CNTNAP2: variants seen among roughly 807,000 people sequenced by gnomAD.
CNTNAP2 encodes the protein contactin-associated protein-like 2.
A neutral mutation model predicts 155.2 loss-of-function variants in CNTNAP2; 98 were observed. The ratio of observed to expected loss-of-function variants is 0.63; its 90% CI spans 0.54 to 0.75. The LOEUF is 0.75. Among genes scored for constraint, CNTNAP2 ranks in the 30% least tolerant of loss-of-function variants. The pLI, the probability that CNTNAP2 is intolerant of heterozygous loss-of-function variation, is 0.00. For missense variants in CNTNAP2, 1,727 were observed against 1,688.1 expected (o/e 1.02, Z -0.40); for synonymous variants, 651 against 631.2 (o/e 1.03, Z -0.47).
intron 1 of CNTNAP2, among the ~76,000 whole-genome samples, chr7:146,464,520 G>A (rs181966529): frequency 6.6e-6 from 1 of 152,272 alleles, no homozygotes; most frequent in Admixed American, 6.5e-5. Flanking sequence ...CATTAGAGGT[G>A]TAGATGGGAA....
At chr7:148,237,553 A>G (rs1311292006) in intron 20 of CNTNAP2, among the ~76,000 whole-genome samples, 1 of 152,238 alleles carries the variant, frequency 6.6e-6, no homozygotes, top group African/African-American at 2.4e-5. Context: ...TCCTGTCTCT[A>G]TCTCATGAAT....
intron 2 of CNTNAP2, among the ~76,000 whole-genome samples, chr7:146,815,384 T>A (rs545869763): frequency 3.9e-5 from 6 of 152,284 alleles, no homozygotes; most frequent in Admixed American, 3.9e-4. Context: ...TTACTGAAAT[T>A]CGTAATGATT....
At chr7:146,161,978 G>C (rs556780133) in intron 1 of CNTNAP2, among the ~76,000 whole-genome samples, 1 of 151,982 alleles carries the variant, frequency 6.6e-6, no homozygotes, top group Non-Finnish European at 1.5e-5. Context: ...GCTGAAACTG[G>C]ATCCCTTCCT....
chr7:147,960,219 T>C (rs1801092687), intron 14 of CNTNAP2, among the ~76,000 whole-genome samples: 1 of 152,046 alleles, frequency 6.6e-6, no homozygotes, highest in Non-Finnish European at 1.5e-5. Flanking sequence ...GGAAAAATAA[T>C]AACTGGTTTT....
intron 1 of CNTNAP2, among the ~76,000 whole-genome samples, chr7:146,688,614 C>T (rs767147170): frequency 6.6e-5 from 10 of 151,988 alleles, no homozygotes; most frequent in Admixed American, 2.0e-4. Flanking sequence ...AGGTGGGACA[C>T]GAGCAAATCA....
At chr7:147,246,392 AC>A (rs1804069770) in intron 8 of CNTNAP2, among the ~76,000 whole-genome samples, 1 of 152,122 alleles carries the variant, frequency 6.6e-6, no homozygotes, top group Non-Finnish European at 1.5e-5. Context: ...GGCTTCTATA[AC>A]AAAATAGCAT....
intron 1 of CNTNAP2, among the ~76,000 whole-genome samples, chr7:146,525,984 A>G (rs1256293501): frequency 1.3e-5 from 2 of 152,210 alleles, no homozygotes; most frequent in African/African-American, 2.4e-5. Context: ...GAAGTTGTTC[A>G]TAAGAGACAA....
intron 13 of CNTNAP2, among the ~76,000 whole-genome samples, chr7:147,884,591 T>C (rs1458239478): frequency 6.6e-6 from 1 of 152,202 alleles, no homozygotes; most frequent in Admixed American, 6.5e-5. Context: ...AAACAAGTTT[T>C]AGTTAAATAC....
At chr7:147,841,610 A>G (rs1798732903) in intron 13 of CNTNAP2, among the ~76,000 whole-genome samples, 1 of 152,242 alleles carries the variant, frequency 6.6e-6, no homozygotes, top group African/African-American at 2.4e-5. Flanking sequence ...CTCATGAGGA[A>G]CACAGGATAT....
At chr7:147,723,275 A>G (rs1796592509) in intron 13 of CNTNAP2, among the ~76,000 whole-genome samples, 1 of 152,094 alleles carries the variant, frequency 6.6e-6, no homozygotes, top group African/African-American at 2.4e-5. Context: ...ACAGTCAGGA[A>G]ACAGGAAAGG....
At chr7:147,904,812 T>C (rs991228722) in intron 14 of CNTNAP2, among the ~76,000 whole-genome samples, 1 of 152,298 alleles carries the variant, frequency 6.6e-6, no homozygotes. Context: ...AAAATACTTG[T>C]AAATAGCTAT....
chr7:147,797,324 T>G (rs1797913221), intron 13 of CNTNAP2, among the ~76,000 whole-genome samples: 1 of 152,190 alleles, frequency 6.6e-6, no homozygotes, highest in Non-Finnish European at 1.5e-5. Flanking sequence ...CTTTGTTTCA[T>G]GAATACCTGT....
chr7:147,005,931 TTATTGTAGGAGGGGG>T (rs1798516062), intron 3 of CNTNAP2, among the ~76,000 whole-genome samples: 1 of 152,126 alleles, frequency 6.6e-6, no homozygotes, highest in South Asian at 2.1e-4. Flanking sequence ...ATCATGTATC[TTATTGTAGGAGGGGG>T]ATGATAGTCT....
At chr7:148,077,411 C>A (rs1168501144) in intron 15 of CNTNAP2, among the ~76,000 whole-genome samples, 1 of 152,050 alleles carries the variant, frequency 6.6e-6, no homozygotes, top group African/African-American at 2.4e-5. Context: ...TTCTGAAAAG[C>A]AAATCCTAAT....
chr7:146,201,694 T>C (rs1288247062), intron 1 of CNTNAP2, among the ~76,000 whole-genome samples: 2 of 151,648 alleles, frequency 1.3e-5, no homozygotes, highest in Admixed American at 1.3e-4. Flanking sequence ...AAAAAATATT[T>C]ATTAAGGAAG....
chr7:146,576,344 C>T (rs1440617007), intron 1 of CNTNAP2, among the ~76,000 whole-genome samples: 1 of 152,136 alleles, frequency 6.6e-6, no homozygotes, highest in South Asian at 2.1e-4. Context: ...ATCTTCCACA[C>T]TTTTAGGGGA....
At chr7:147,382,686 A>G (rs1796555645) in intron 9 of CNTNAP2, among the ~76,000 whole-genome samples, 1 of 152,058 alleles carries the variant, frequency 6.6e-6, no homozygotes, top group African/African-American at 2.4e-5. Context: ...GGCTTTGGAT[A>G]AGGTCTTTAT....
chr7:147,550,585 T>C (rs1799832624), intron 11 of CNTNAP2, among the ~76,000 whole-genome samples: 1 of 152,108 alleles, frequency 6.6e-6, no homozygotes, highest in South Asian at 2.1e-4. Context: ...ACACTGAGCA[T>C]GAGTGGAAGA....
chr7:146,383,514 G>A (rs923112417), intron 1 of CNTNAP2, among the ~76,000 whole-genome samples: 3 of 152,028 alleles, frequency 2.0e-5, no homozygotes, highest in African/African-American at 7.3e-5. Flanking sequence ...TCAGCTACAT[G>A]ATTTTAAATA....
Sources: gnomAD v4.1 joint callset for allele counts (sites outside exome capture counted in the v4.1 genomes callset) on GRCh38, gnomAD v4.1.1 for gene constraint, MANE v1.5 for transcripts, NCBI Gene and HGNC (gene_info 2026-07-23, HGNC 2026-07-21) for gene names.